FARS2: variants seen among roughly 807,000 people sequenced by gnomAD.
The protein encoded by FARS2 is phenylalanine--tRNA ligase, mitochondrial.
FARS2 carries 40 observed loss-of-function variants against 46.4 expected under a neutral mutation model. The observed-to-expected ratio is 0.86, with a 90% CI of 0.67 to 1.12. The LOEUF (loss-of-function observed/expected upper bound fraction) is 1.12. FARS2 is among the 50% of genes most tolerant of loss of function. The pLI is 0.00. For missense variants in FARS2, 513 were observed against 567.9 expected (o/e 0.90, Z 0.98); for synonymous variants, 234 against 214.9 (o/e 1.09, Z -0.78).
intron 1 of FARS2, among the ~76,000 whole-genome samples, chr6:5,319,535 C>A (rs1769815876): frequency 6.6e-6 from 1 of 152,180 alleles, no homozygotes; most frequent in African/African-American, 2.4e-5. Flanking sequence ...GTATAAAACC[C>A]CAAGTCAAGG....
intron 6 of FARS2, among the ~76,000 whole-genome samples, chr6:5,655,950 C>A (rs1054512134): frequency 6.6e-5 from 10 of 152,178 alleles, no homozygotes; most frequent in Non-Finnish European, 1.5e-4. Flanking sequence ...TAGAAAATTT[C>A]TCTCAGTTCT....
At chr6:5,720,395 TG>T (rs1247802482) in intron 6 of FARS2, among the ~76,000 whole-genome samples, 1 of 152,094 alleles carries the variant, frequency 6.6e-6, no homozygotes, top group Non-Finnish European at 1.5e-5. Flanking sequence ...GTTTTCCAGA[TG>T]TTAATTGATC....
At chr6:5,527,017 G>C (rs75216534) in intron 4 of FARS2, among the ~76,000 whole-genome samples, 4,484 of 151,874 alleles carry the variant, frequency 0.03, 224 homozygotes, top group African/African-American at 0.1. Flanking sequence ...TTTATCAGTG[G>C]GTTTTCGTAT....
chr6:5,494,362 A>G (rs999746095), intron 4 of FARS2, among the ~76,000 whole-genome samples: 2 of 152,198 alleles, frequency 1.3e-5, no homozygotes, highest in African/African-American at 4.8e-5. Flanking sequence ...GAGGCCTGCC[A>G]AGCTCCTGTA....
At chr6:5,614,393 A>G (rs927952309) in intron 6 of FARS2, among the ~76,000 whole-genome samples, 2 of 143,892 alleles carry the variant, frequency 1.4e-5, no homozygotes, top group African/African-American at 5.2e-5. Flanking sequence ...TCAGACTCCC[A>G]CCTGTTTCCT....
intron 5 of FARS2, chr6:5,609,827 C>A: frequency 8.9e-7 from 1 of 1,128,826 alleles, no homozygotes; most frequent in East Asian, 2.3e-5. Context: ...ATAATCTCTT[C>A]AAAATAATCT....
intron 1 of FARS2, among the ~76,000 whole-genome samples, chr6:5,360,421 A>C (rs1243230301): frequency 6.6e-6 from 1 of 152,194 alleles, no homozygotes; most frequent in Non-Finnish European, 1.5e-5. Context: ...AGAGGTATAC[A>C]TGTCTACAGG....
intron 4 of FARS2, among the ~76,000 whole-genome samples, chr6:5,435,223 G>T (rs2432761): frequency 6.6e-6 from 1 of 152,192 alleles, no homozygotes; most frequent in East Asian, 1.9e-4. Flanking sequence ...TCTGCCTAAC[G>T]TAGAATGAAA....
intron 4 of FARS2, among the ~76,000 whole-genome samples, chr6:5,536,474 C>T (rs1403696787): frequency 6.6e-6 from 1 of 152,068 alleles, no homozygotes; most frequent in Non-Finnish European, 1.5e-5. Flanking sequence ...AGCTCTGCCA[C>T]TTATTAGTAT....
At chr6:5,363,868 G>C (rs950146254) in intron 1 of FARS2, among the ~76,000 whole-genome samples, 1 of 152,078 alleles carries the variant, frequency 6.6e-6, no homozygotes, top group Admixed American at 6.6e-5. Flanking sequence ...TCTTATATAC[G>C]CTTGTGATAT....
chr6:5,600,165 A>G (rs1384043203), intron 5 of FARS2, among the ~76,000 whole-genome samples: 1 of 152,234 alleles, frequency 6.6e-6, no homozygotes, highest in Non-Finnish European at 1.5e-5. Flanking sequence ...GGGGACCATG[A>G]TATTGAAACA....
chr6:5,656,516 C>T (rs1777612201), intron 6 of FARS2, among the ~76,000 whole-genome samples: 1 of 136,732 alleles, frequency 7.3e-6, no homozygotes, highest in South Asian at 2.5e-4. Context: ...ATTAAACAAA[C>T]TCTTGACTCT....
intron 4 of FARS2, among the ~76,000 whole-genome samples, chr6:5,523,763 A>G (rs73719628): frequency 0.035 from 5,258 of 152,248 alleles, 140 homozygotes; most frequent in African/African-American, 0.07. Flanking sequence ...CTGCACTGCT[A>G]TAGCCTTTTC....
At chr6:5,565,559 A>G (rs1452010222) in intron 5 of FARS2, among the ~76,000 whole-genome samples, 1 of 152,214 alleles carries the variant, frequency 6.6e-6, no homozygotes, top group East Asian at 1.9e-4. Flanking sequence ...ATTTATCTTC[A>G]TGGTTTACAG....
chr6:5,743,876 T>C (rs1382130649), intron 6 of FARS2, among the ~76,000 whole-genome samples: 1 of 152,224 alleles, frequency 6.6e-6, no homozygotes, highest in African/African-American at 2.4e-5. Context: ...TATTACACAG[T>C]AATAGTTTCC....
chr6:5,455,049 T>C (rs34436319), intron 4 of FARS2, among the ~76,000 whole-genome samples: 6,059 of 152,266 alleles, frequency 0.04, 145 homozygotes, highest in Middle Eastern at 0.065. Flanking sequence ...ACCTTGTTGG[T>C]CATAGACTGC....
upstream of FARS2, among the ~76,000 whole-genome samples, chr6:5,258,823 T>G (rs1168845587): frequency 6.6e-6 from 1 of 152,244 alleles, no homozygotes. Context: ...TTGCCCATAC[T>G]GAAACCCATT....
chr6:5,599,727 C>G (rs976976115), intron 5 of FARS2, among the ~76,000 whole-genome samples: 9 of 152,172 alleles, frequency 5.9e-5, no homozygotes, highest in Non-Finnish European at 1.2e-4. Flanking sequence ...AGATACTGTA[C>G]TTTTGGCATT....
At chr6:5,597,250 T>C (rs1021425324) in intron 5 of FARS2, among the ~76,000 whole-genome samples, 11 of 152,192 alleles carry the variant, frequency 7.2e-5, no homozygotes, top group African/African-American at 2.7e-4. Context: ...ACTGAGACTT[T>C]TGCTTGCTGG....
Sources: gnomAD v4.1 joint callset for allele counts (sites outside exome capture counted in the v4.1 genomes callset) on GRCh38, gnomAD v4.1.1 for gene constraint, MANE v1.5 for transcripts, NCBI Gene and HGNC (gene_info 2026-07-23, HGNC 2026-07-21) for gene names.